Variants in CBFA2T2 observed in about 807,000 individuals in gnomAD.
The protein encoded by CBFA2T2 is protein CBFA2T2.
Under a neutral mutation model 62.2 loss-of-function variants are expected in CBFA2T2, and 11 were observed. The ratio of observed to expected loss-of-function variants is 0.18; its 90% confidence interval spans 0.11 to 0.29. The LOEUF is 0.29. Ranked by LOEUF, CBFA2T2 falls within the 10% of genes least tolerant of loss-of-function variation. CBFA2T2 has a pLI of 1.00. For missense variants in CBFA2T2, 592 were observed against 774.1 expected (o/e 0.76, Z 2.79); for synonymous variants, 295 against 287.5 (o/e 1.03, Z -0.27).
At chr20:33,515,778 G>A (rs1445787154) in intron 1 of CBFA2T2, among the ~76,000 whole-genome samples, 1 of 135,206 alleles carries the variant, frequency 7.4e-6, no homozygotes, top group African/African-American at 2.9e-5. Flanking sequence ...TCCATCCTGG[G>A]CCACAAGAGG....
intron 1 of CBFA2T2, among the ~76,000 whole-genome samples, chr20:33,544,941 AGAACAGAATAGAAT>A (rs1568810786): frequency 8.4e-5 from 11 of 131,658 alleles, no homozygotes; most frequent in African/African-American, 3.6e-4. Context: ...TGAATAGAAT[AGAACAGAATAGAAT>A]AGAATAGAAT....
In CBFA2T2 at chr20:33,536,833, C is replaced by T. The variant is rs544152315; in HGVS notation, c.34+46532C>T. ...ATGGCGGCCGGGAAGAGGCGCTCCTCACTTCCTAGATGGGATGGCGGCTGG... is the reference window on the plus strand; with the variant it reads ...ATGGCGGCCGGGAAGAGGCGCTCCTTACTTCCTAGATGGGATGGCGGCTGG... On this transcript the variant is annotated intron_variant, in intron 1 of 10. Coordinates refer to ENST00000342704, the MANE Select transcript of CBFA2T2 (RefSeq NM_001032999.3). 4.0e-5 allele frequency among the ~76,000 whole-genome samples: 6 copies of T among 150,084 alleles called. No homozygotes were observed. The South Asian group carries it at 8.5e-4, about 21-fold the overall frequency.
chr20:33,594,465 C>T (rs1311983482), intron 1 of CBFA2T2, among the ~76,000 whole-genome samples: 1 of 152,092 alleles, frequency 6.6e-6, no homozygotes, highest in Admixed American at 6.6e-5. Flanking sequence ...CGTGATCCTC[C>T]TGCCTCGGCC....
At chr20:33,520,969 ATC>A (rs2011714048) in intron 1 of CBFA2T2, among the ~76,000 whole-genome samples, 1 of 132,418 alleles carries the variant, frequency 7.6e-6, no homozygotes, top group Non-Finnish European at 1.6e-5. Context: ...TTCACCTGCC[ATC>A]ACACACACAC....
At chr20:33,617,000 C>T (rs1229527810) in intron 3 of CBFA2T2, among the ~76,000 whole-genome samples, 3 of 152,080 alleles carry the variant, frequency 2.0e-5, no homozygotes, top group Non-Finnish European at 4.4e-5. Flanking sequence ...AGGCCCAGGC[C>T]GACTTGAGGC....
intron 9 of CBFA2T2, among the ~76,000 whole-genome samples, 192 bp from the exon 10 acceptor site, chr20:33,640,149 G>C (rs932824393): frequency 1.3e-5 from 2 of 152,184 alleles, no homozygotes; most frequent in South Asian, 4.1e-4. Context: ...GCCCTAGCTC[G>C]GTGCCCACCT....
chr20:33,540,986 TAAG>T lies in CBFA2T2; in HGVS notation c.34+50686_34+50688del, dbSNP rs370879390. On this transcript the variant is annotated intron_variant, in intron 1 of 10. Transcript: ENST00000342704. ...ACTAGCTTAATGAATTTGGCTCTAA[TAAG>T]TTAATAAAGTAATTTGAACATTCCT... Among the ~76,000 whole-genome samples the T allele has an allele frequency of 3.9e-4, 59 of 152,290 alleles. 1 individual carries two copies. The highest frequency in any genetic ancestry group is 1.4e-3 in the African/African-American group (58 of 41,560).
At chr20:33,509,147 A>T (rs1379017485) in intron 1 of CBFA2T2, among the ~76,000 whole-genome samples, 2 of 152,146 alleles carry the variant, frequency 1.3e-5, no homozygotes, top group African/African-American at 2.4e-5. Context: ...TGGGCAGATC[A>T]TCTGATGTCA....
intron 1 of CBFA2T2, among the ~76,000 whole-genome samples, chr20:33,550,422 C>A (rs1433091238): frequency 6.6e-6 from 1 of 152,060 alleles, no homozygotes; most frequent in Non-Finnish European, 1.5e-5. Context: ...GGCTTGGATT[C>A]TTTCTAAGCT....
intron 1 of CBFA2T2, among the ~76,000 whole-genome samples, chr20:33,537,023 G>A (rs2012270470): frequency 6.6e-6 from 1 of 151,698 alleles, no homozygotes; most frequent in South Asian, 2.1e-4. Context: ...CAGGCAGAGG[G>A]GCTCCTCACG....
At chr20:33,549,198 G>A (rs1213983561) in intron 1 of CBFA2T2, among the ~76,000 whole-genome samples, 1 of 152,064 alleles carries the variant, frequency 6.6e-6, no homozygotes, top group African/African-American at 2.4e-5. Context: ...TATTTGGTTA[G>A]GGCAGAATTT....
chr20:33,585,719 C>G (rs1342422355), intron 1 of CBFA2T2, among the ~76,000 whole-genome samples: 1 of 152,066 alleles, frequency 6.6e-6, no homozygotes, highest in Non-Finnish European at 1.5e-5. Flanking sequence ...CTTTTTGTAC[C>G]TAGTACATTA....
chr20:33,623,035 C>T (rs1237107971), intron 4 of CBFA2T2, 80 bp from the exon 5 acceptor site: 1 of 1,351,260 alleles, frequency 7.4e-7, no homozygotes, highest in Non-Finnish European at 1.0e-6. Context: ...CTTGTATCAT[C>T]TGCTTTGTGA....
chr20:33,590,215 C>T (rs2014555648), intron 1 of CBFA2T2, among the ~76,000 whole-genome samples: 1 of 151,474 alleles, frequency 6.6e-6, no homozygotes. Context: ...GACTGCTCTT[C>T]CAGCTTGGAC....
rs138088226 is a variant in CBFA2T2, at chr20:33,601,314, G to A, written c.35-5642G>A. On this transcript the variant is annotated intron_variant, in intron 1 of 10. Coordinates refer to ENST00000342704, the MANE Select transcript of CBFA2T2 (RefSeq NM_001032999.3). The stretch of plus-strand genomic sequence containing the variant: ...GAGTCTCGCTCTGTCGCCCAGACTG[G>A]AGTGCAGTGGTGCGGTCTTGGCTTA... Among the ~76,000 whole-genome samples the A allele has an allele frequency of 3.4e-3, 523 of 152,182 alleles. 5 individuals carry two copies. The highest frequency in any genetic ancestry group is 0.012 in the African/African-American group (506 of 41,510).
intron 1 of CBFA2T2, among the ~76,000 whole-genome samples, chr20:33,508,016 G>A (rs1017494938): frequency 6.6e-6 from 1 of 152,142 alleles, no homozygotes; most frequent in Non-Finnish European, 1.5e-5. Flanking sequence ...AAGTAGTTAT[G>A]TATTATTGAA....
intron 1 of CBFA2T2, among the ~76,000 whole-genome samples, chr20:33,590,079 A>C (rs1158982804): frequency 6.8e-6 from 1 of 148,116 alleles, no homozygotes; most frequent in Non-Finnish European, 1.5e-5. Context: ...CCTGTCTCTA[A>C]AAAAAAAAAT....
chr20:33,537,033 G>C (rs1321158341), intron 1 of CBFA2T2, among the ~76,000 whole-genome samples: 5 of 150,640 alleles, frequency 3.3e-5, no homozygotes, highest in Non-Finnish European at 5.9e-5. Context: ...GGCTCCTCAC[G>C]TCCCAGACGA....
intron 1 of CBFA2T2, among the ~76,000 whole-genome samples, chr20:33,590,624 A>G (rs975622420): frequency 3.3e-5 from 5 of 152,108 alleles, no homozygotes; most frequent in African/African-American, 7.2e-5. Context: ...CAGCAAGGTA[A>G]AGCCCTGGGT....
Sources: allele counts gnomAD v4.1 joint callset (sites outside exome capture counted in the v4.1 genomes callset), GRCh38; gene constraint gnomAD v4.1.1; transcripts MANE v1.5; gene names NCBI Gene and HGNC (gene_info 2026-07-23, HGNC 2026-07-21).